The following SMARCA2 variants were observed in gnomAD, a reference collection of about 807,000 sequenced individuals.
SMARCA2 encodes SWI/SNF related BAF chromatin remodeling complex subunit ATPase 2.
In SMARCA2, 61 loss-of-function variants were observed where a neutral mutation model predicts 199.8. The ratio of observed to expected loss-of-function variants is 0.31; its 90% CI spans 0.25 to 0.38. The LOEUF (loss-of-function observed/expected upper bound fraction) is 0.38, where lower values mean the gene tolerates loss of function less well. Ranked by LOEUF, SMARCA2 falls within the 10% of genes least tolerant of loss-of-function variation. The pLI is 1.00. For missense variants in SMARCA2, 1,344 were observed against 2,012.2 expected (o/e 0.67, Z 6.35); for synonymous variants, 935 against 732.0 (o/e 1.28, Z -4.48).
intron 32 of SMARCA2, 117 bp from the exon 33 acceptor site, chr9:2,191,149 T>C: frequency 1.0e-6 from 1 of 978,072 alleles, no homozygotes; most frequent in Non-Finnish European, 1.6e-6. Flanking sequence ...AAACCGGGAA[T>C]GTTCTGGGCA....
At chr9:2,152,222 A>T (rs1429152877) in intron 27 of SMARCA2, among the ~76,000 whole-genome samples, 1 of 152,204 alleles carries the variant, frequency 6.6e-6, no homozygotes, top group African/African-American at 2.4e-5. Flanking sequence ...CATGCTGATG[A>T]GATAGATCTT....
At chr9:2,121,447 C>T (rs1214893391) in intron 26 of SMARCA2, among the ~76,000 whole-genome samples, 1 of 152,186 alleles carries the variant, frequency 6.6e-6, no homozygotes, top group East Asian at 1.9e-4. Flanking sequence ...AATCCACCGG[C>T]CGCCTTTGGC....
chr9:2,142,030 T>C (rs1239153102), intron 27 of SMARCA2, among the ~76,000 whole-genome samples: 1 of 152,132 alleles, frequency 6.6e-6, no homozygotes, highest in Non-Finnish European at 1.5e-5. Context: ...AGGGGCCCCT[T>C]AGTGGACTTC....
intron 27 of SMARCA2, among the ~76,000 whole-genome samples, chr9:2,154,902 G>A (rs561628304): frequency 1.1e-4 from 17 of 152,258 alleles, no homozygotes; most frequent in South Asian, 6.2e-4. Flanking sequence ...ACAGACAAGC[G>A]GATGGAGTTC....
chr9:2,116,252 C>G (rs926904609), intron 25 of SMARCA2, among the ~76,000 whole-genome samples: 1 of 152,206 alleles, frequency 6.6e-6, no homozygotes, highest in African/African-American at 2.4e-5. Flanking sequence ...CTGGAGGAAC[C>G]TCAAGGCTTG....
At chr9:2,024,517 A>G (rs1252180148) in intron 1 of SMARCA2, among the ~76,000 whole-genome samples, 1 of 152,118 alleles carries the variant, frequency 6.6e-6, no homozygotes, top group Non-Finnish European at 1.5e-5. Context: ...CGACCTTTTC[A>G]GTTGATGACA....
chr9:2,062,255 A>G (rs886670515), intron 9 of SMARCA2, among the ~76,000 whole-genome samples: 2 of 152,258 alleles, frequency 1.3e-5, no homozygotes, highest in African/African-American at 4.8e-5. Flanking sequence ...TGACATATTG[A>G]TAGCAGAGAG....
chr9:2,144,384 G>A (rs947365736), intron 27 of SMARCA2, among the ~76,000 whole-genome samples: 2 of 152,140 alleles, frequency 1.3e-5, no homozygotes, highest in African/African-American at 4.8e-5. Flanking sequence ...CGCTGGATGG[G>A]GGTGGGACAA....
chr9:2,161,205 A>G lies in SMARCA2; in HGVS notation c.3982-481A>G, dbSNP rs926931118. The stretch of plus-strand genomic sequence containing the variant: ...TTTTGATTTATATTGTTAATCATGA[A>G]TAAATTGATGCAAAACCTGAAGAAA... On this transcript the variant is annotated intron_variant, in intron 27 of 33. Transcript: ENST00000349721. This position sits in a 1 kb window ranked among gnomAD's most constrained non-coding sequence, Gnocchi z 4.7. Among the ~76,000 whole-genome samples the G allele has an allele frequency of 6.6e-6, 1 of 152,232 alleles. No individual in the cohort carries two copies. Among genetic ancestry groups the G allele is most frequent in the African/African-American group, 2.4e-5 (1 of 41,452 alleles).
intron 32 of SMARCA2, 64 bp from the exon 33 acceptor site, chr9:2,191,202 C>T (rs1563848246): frequency 6.7e-7 from 1 of 1,485,884 alleles, no homozygotes; most frequent in Non-Finnish European, 9.4e-7. Context: ...GATAGTCTTA[C>T]CACCTATACA....
chr9:2,033,297 C>A (rs1586628173), intron 3 of SMARCA2: 1 of 500,904 alleles, frequency 2.0e-6, no homozygotes, highest in East Asian at 3.4e-5. Context: ...ATTTTACTAG[C>A]CACCATGTGT....
At chr9:2,103,643 CGT>C (rs540863457) in intron 22 of SMARCA2, among the ~76,000 whole-genome samples, 1,495 of 143,508 alleles carry the variant, frequency 0.01, 24 homozygotes, top group African/African-American at 0.037. Context: ...TGTGTGTGTA[CGT>C]GTGTGTGTGT....
intron 27 of SMARCA2, among the ~76,000 whole-genome samples, chr9:2,133,519 G>A (rs1824057303): frequency 6.6e-6 from 1 of 152,064 alleles, no homozygotes; most frequent in Non-Finnish European, 1.5e-5. Context: ...CTGCCCCTAA[G>A]TGATCCTCCT....
In SMARCA2 at chr9:2,161,849, A is replaced by T. The variant is rs1317802180; in HGVS notation, c.4145A>T (p.Lys1382Ile). 5.6e-6 allele frequency: 9 copies of T among 1,613,992 alleles called. No homozygotes were observed. Among genetic ancestry groups the T allele is most frequent in the Non-Finnish European group, 6.8e-6 (8 of 1,179,982 alleles). ...GAGAAACTGTCACCAAATCCCCCCAAACTGACAAAGCAGATGAACGCTATC... is the reference window on the plus strand; with the variant it reads ...GAGAAACTGTCACCAAATCCCCCCATACTGACAAAGCAGATGAACGCTATC... ...PAEKLSPNPPKLTKQMNAIID... is the reference protein window; with the variant it reads ...PAEKLSPNPPILTKQMNAIID... The change falls in exon 28 of 34, where the codon AAA (lysine) becomes ATA (isoleucine). Residue 1382 changes from lysine to isoleucine, a missense_variant. By Grantham distance (102) the Lys-to-Ile change is moderately radical. Transcript: ENST00000349721. This position sits in a 1 kb window ranked among gnomAD's most constrained non-coding sequence, Gnocchi z 4.7.
intron 24 of SMARCA2, among the ~76,000 whole-genome samples, chr9:2,112,145 G>A (rs1823034254): frequency 6.6e-6 from 1 of 152,194 alleles, no homozygotes; most frequent in Admixed American, 6.5e-5. Context: ...TTTATTGAGT[G>A]TCTGTTATGC....
At chr9:2,158,738 G>T (rs1825508584) in intron 27 of SMARCA2, 1 of 435,356 alleles carries the variant, frequency 2.3e-6, no homozygotes, top group Non-Finnish European at 4.1e-6. Context: ...TAAAATAAAA[G>T]AACAGTTTAA....
At chr9:2,164,925 T>C (rs1825864755) in intron 28 of SMARCA2, among the ~76,000 whole-genome samples, 1 of 152,326 alleles carries the variant, frequency 6.6e-6, no homozygotes, top group Non-Finnish European at 1.5e-5. Flanking sequence ...ATGTTGGTAA[T>C]CCTCTAGAAA....
In SMARCA2 at chr9:2,158,978, G is replaced by C. The variant is rs770242430; in HGVS notation, c.3982-2708G>C. The stretch of plus-strand genomic sequence containing the variant: ...AAAACCTTAGTTTGAGGGGAATAAT[G>C]GTCAGTACTTTGTGTGTTTCCTTGT... On this transcript the variant is annotated intron_variant, in intron 27 of 33. Transcript: ENST00000349721. The C allele has an allele frequency of 1.1e-5, 17 of 1,611,886 alleles. No individual in the cohort carries two copies. The South Asian group carries it at 1.9e-4, about 18-fold the overall frequency.
rs573641294 is a variant in SMARCA2 at position 2,052,161 on chromosome 9, G to T, written c.1047-2436G>T. ...GATTAAACCACTTAAAAATGCTATTGTTTGTGTTGGTATGCATAGTTAATA... is the reference window on the plus strand; with the variant it reads ...GATTAAACCACTTAAAAATGCTATTTTTTGTGTTGGTATGCATAGTTAATA... On this transcript the variant is annotated intron_variant, in intron 5 of 33. Transcript: ENST00000349721. Among the ~76,000 whole-genome samples the T allele has an allele frequency of 4.0e-3, 603 of 152,334 alleles. 3 individuals are homozygous for T. The highest frequency in any genetic ancestry group is 0.013 in the African/African-American group (558 of 41,576).
Sources: gnomAD v4.1 joint callset for allele counts (sites outside exome capture counted in the v4.1 genomes callset) on GRCh38, gnomAD v4.1.1 for gene constraint, Gnocchi (gnomAD v3.1) non-coding constraint, MANE v1.5 for transcripts, NCBI Gene and HGNC (gene_info 2026-07-23, HGNC 2026-07-21) for gene names.